GLRX3: variants seen among roughly 807,000 people sequenced by gnomAD.
GLRX3 encodes glutaredoxin 3, also known as glutaredoxin-3.
Under a neutral mutation model 49.5 loss-of-function variants are expected in GLRX3, and 22 were observed. That is an observed-to-expected ratio of 0.44 (90% CI 0.32 to 0.63). The LOEUF (loss-of-function observed/expected upper bound fraction) is 0.63, where lower values mean the gene tolerates loss of function less well. Ranked by LOEUF, GLRX3 falls within the 30% of genes least tolerant of loss-of-function variation. The pLI, the probability that GLRX3 is intolerant of heterozygous loss-of-function variation, is 0.05. For synonymous variants in GLRX3, 133 were observed against 140.0 expected (o/e 0.95, Z 0.35); for missense variants, 385 against 396.3 (o/e 0.97, Z 0.24).
chr10:130,163,420 T>TCAAAA (rs780255499), intron 4 of GLRX3, among the ~76,000 whole-genome samples: 1 of 152,156 alleles, frequency 6.6e-6, no homozygotes, highest in African/African-American at 2.4e-5. Context: ...AAACTCTGTC[T>TCAAAA]CAAAACAAAA....
chr10:130,136,932 C>T (rs1862066075), intron 1 of GLRX3, among the ~76,000 whole-genome samples: 1 of 152,168 alleles, frequency 6.6e-6, no homozygotes, highest in South Asian at 2.1e-4. Flanking sequence ...GGAGCGGGAC[C>T]CACGGCTGCG....
At chr10:130,176,832 G>T (rs7906958) in intron 10 of GLRX3, among the ~76,000 whole-genome samples, 1 of 147,670 alleles carries the variant, frequency 6.8e-6, no homozygotes, top group African/African-American at 2.5e-5. Context: ...AAGACACAAA[G>T]AATACTCAAA....
At position 130,141,747 on chromosome 10, in the gene GLRX3, A is replaced by C. The variant is rs149740397; in HGVS notation, c.93-3464A>C. On this transcript the variant is annotated intron_variant, in intron 1 of 10. Coordinates refer to ENST00000331244, the MANE Select transcript of GLRX3 (RefSeq NM_006541.5). ...AATTTCCAGTTTTGATTTATTATGT[A>C]TAGGGCTGCTGTGAGCATTCTTGCA... Among the ~76,000 whole-genome samples the C allele has an allele frequency of 2.9e-4, 44 of 152,236 alleles. No individual in the cohort carries two copies. In the East Asian group the frequency reaches 8.5e-3, roughly 29 times the overall value.
At chr10:130,138,086 G>T (rs148241687) in intron 1 of GLRX3, among the ~76,000 whole-genome samples, 1 of 151,870 alleles carries the variant, frequency 6.6e-6, no homozygotes, top group Admixed American at 6.6e-5. Flanking sequence ...GAGACAGGCT[G>T]TTGCTCTGTT....
intron 2 of GLRX3, among the ~76,000 whole-genome samples, chr10:130,150,592 CAAG>C (rs1377740571): frequency 6.6e-6 from 1 of 152,238 alleles, no homozygotes; most frequent in African/African-American, 2.4e-5. Context: ...TCTTGAAAAA[CAAG>C]AATCTTTATT....
chr10:130,150,181 A>C (rs1862346229), intron 2 of GLRX3, among the ~76,000 whole-genome samples: 1 of 150,406 alleles, frequency 6.6e-6, no homozygotes, highest in South Asian at 2.1e-4. Context: ...CGGAGGTTGC[A>C]GTGAGTTGAG....
At chr10:130,150,181 A>G (rs1862346229) in intron 2 of GLRX3, among the ~76,000 whole-genome samples, 1 of 150,302 alleles carries the variant, frequency 6.7e-6, no homozygotes, top group Non-Finnish European at 1.5e-5. Context: ...CGGAGGTTGC[A>G]GTGAGTTGAG....
At chr10:130,147,700 G>A (rs1395770183) in intron 2 of GLRX3, among the ~76,000 whole-genome samples, 1 of 152,212 alleles carries the variant, frequency 6.6e-6, no homozygotes, top group Non-Finnish European at 1.5e-5. Flanking sequence ...CCGGACAATA[G>A]TAAGCAAAAG....
intron 4 of GLRX3, 78 bp from the exon 5 acceptor site, chr10:130,166,429 C>G (rs936150899): frequency 9.9e-7 from 1 of 1,007,150 alleles, no homozygotes; most frequent in South Asian, 1.4e-5. Flanking sequence ...ATGATATGTA[C>G]GCTGAACTAA....
rs554955295 is a variant in GLRX3, at chr10:130,170,637, A to C, written c.772-947A>C. On this transcript the variant is annotated intron_variant, in intron 7 of 10. Transcript: ENST00000331244. The stretch of plus-strand genomic sequence containing the variant: ...TTTTTCTTATTCTCGGTAATGGTTT[A>C]AGTGGATATTTATTCTCAAAACTAT... 2.6e-5 allele frequency among the ~76,000 whole-genome samples: 4 copies of C among 152,316 alleles called. No individual in the cohort carries two copies. In the South Asian group the frequency reaches 8.3e-4, roughly 32 times the overall value.
At chr10:130,161,300 A>G (rs565811913) in intron 4 of GLRX3, among the ~76,000 whole-genome samples, 1 of 152,350 alleles carries the variant, frequency 6.6e-6, no homozygotes, top group East Asian at 1.9e-4. Flanking sequence ...TCACCTGGTA[A>G]GCAGAGTTAG....
chr10:130,168,706 C>CA (rs2134917152), intron 6 of GLRX3, among the ~76,000 whole-genome samples: 1 of 152,302 alleles, frequency 6.6e-6, no homozygotes, highest in Non-Finnish European at 1.5e-5. Context: ...CTCAGCCTCC[C>CA]AAAGTGCTGG....
Position 130,160,043 on chromosome 10 carries a change from T to C in GLRX3, c.250T>C (p.Ser84Pro). 2 of 1,601,474 alleles carry C rather than the reference T, an allele frequency of 1.2e-6. No individual in the cohort carries two copies. The highest frequency in any genetic ancestry group is 1.7e-6 in the Non-Finnish European group (2 of 1,168,576). The change falls in exon 3 of 11, where the codon TCT (serine) becomes CCT (proline). Residue 84 changes from serine to proline, a missense_variant. Physicochemically the swap from Ser to Pro is moderately conservative, Grantham distance 74 (BLOSUM62 -1). Around this residue, in one of 2 missense-constraint regions of GLRX3, gnomAD observed 374 missense variants for 358.6 expected, o/e 1.04. Transcript: ENST00000331244. ...AGTATCTGAAAAATATGAAATTAGC[T>C]CTGTTCCCACTTTTCTGTTTTTCAA... ...PEVSEKYEIS[S>P]VPTFLFFKNS...
In GLRX3 at chr10:130,179,509, CAT is replaced by C; in HGVS notation, c.*118_*119del. 3 of 682,516 alleles carry C rather than the reference CAT, an allele frequency of 4.4e-6. No individual in the cohort carries two copies. The South Asian group carries it at 5.2e-5, about 12-fold the overall frequency. 42.3% of individuals were successfully genotyped at this position (682,516 alleles called of 1,614,324 possible). A position where few individuals can be genotyped will look rare whatever the true frequency, so the allele number is the denominator to read the frequency against. ...TAGAAAATTCCTGCTTTCTCAGTTA[CAT>C]GTTTTGTGTATTTCACAATGTCGTG... On this transcript the variant is annotated 3_prime_UTR_variant, in exon 11 of 11. Transcript: ENST00000331244.
intron 1 of GLRX3, among the ~76,000 whole-genome samples, chr10:130,144,222 C>T (rs1212464013): frequency 6.6e-6 from 1 of 150,712 alleles, no homozygotes; most frequent in Non-Finnish European, 1.5e-5. Context: ...AACATTGTGC[C>T]ATTAATACAG....
At chr10:130,177,989 G>T (rs1862955141) in intron 10 of GLRX3, among the ~76,000 whole-genome samples, 1 of 152,100 alleles carries the variant, frequency 6.6e-6, no homozygotes, top group Non-Finnish European at 1.5e-5. Context: ...TGAAAAACAG[G>T]CACAAGGAGC....
intron 2 of GLRX3, among the ~76,000 whole-genome samples, chr10:130,150,279 G>A (rs1862349402): frequency 1.3e-5 from 2 of 150,254 alleles, no homozygotes; most frequent in African/African-American, 4.9e-5. Context: ...AGAAAAAAAT[G>A]ACTTTCCTTT....
chr10:130,136,618 G>A, intron 1 of GLRX3, 106 bp downstream of exon 1: 6 of 1,203,262 alleles, frequency 5.0e-6, no homozygotes, highest in Non-Finnish European at 6.2e-6. Context: ...CTTGGTGCCC[G>A]GCTCCCTTCG....
chr10:130,142,517 C>T (rs1862194904), intron 1 of GLRX3, among the ~76,000 whole-genome samples: 1 of 152,146 alleles, frequency 6.6e-6, no homozygotes, highest in South Asian at 2.1e-4. Context: ...TCTCCATTTG[C>T]ACTATCCCCT....
Sources: gnomAD v4.1 joint callset for allele counts (sites outside exome capture counted in the v4.1 genomes callset) on GRCh38, gnomAD v4.1.1 for gene constraint, gnomAD v4.1.1 regional missense constraint, MANE v1.5 for transcripts, NCBI Gene and HGNC (gene_info 2026-07-23, HGNC 2026-07-21) for gene names.